The following TAFA1 variants were observed in gnomAD, a reference collection of about 807,000 sequenced individuals.
TAFA1 encodes TAFA chemokine like family member 1, also known as chemokine-like protein TAFA-1.
Under a neutral mutation model 18.5 loss-of-function variants are expected in TAFA1, and 4 were observed. The ratio of observed to expected loss-of-function variants is 0.22; its 90% confidence interval spans 0.11 to 0.49. The LOEUF is 0.49. Ranked by LOEUF, TAFA1 falls within the 20% of genes least tolerant of loss-of-function variation. The pLI is 0.98. For synonymous variants in TAFA1, 56 were observed against 55.2 expected (o/e 1.01, Z -0.06); for missense variants, 147 against 169.0 (o/e 0.87, Z 0.72).
At chr3:68,026,341 C>A (rs963399801) in intron 2 of TAFA1, among the ~76,000 whole-genome samples, 1 of 151,694 alleles carries the variant, frequency 6.6e-6, no homozygotes, top group Non-Finnish European at 1.5e-5. Context: ...TGGAGAAATT[C>A]CATCCCCACC....
intron 2 of TAFA1, among the ~76,000 whole-genome samples, chr3:68,244,295 A>T (rs1050348510): frequency 3.3e-5 from 5 of 151,952 alleles, no homozygotes; most frequent in African/African-American, 1.2e-4. Context: ...TTTTCCATTA[A>T]TTGGTTGTTG....
chr3:68,308,982 A>AGAAGC (rs2068470425), intron 2 of TAFA1, among the ~76,000 whole-genome samples: 1 of 152,126 alleles, frequency 6.6e-6, no homozygotes, highest in African/African-American at 2.4e-5. Context: ...CAGTTGCTTC[A>AGAAGC]CATCCCTAGA....
At chr3:68,139,214 T>C (rs929511291) in intron 2 of TAFA1, among the ~76,000 whole-genome samples, 3 of 152,170 alleles carry the variant, frequency 2.0e-5, no homozygotes, top group African/African-American at 7.2e-5. Context: ...AACATTGACA[T>C]ACCGAATATC....
intron 3 of TAFA1, among the ~76,000 whole-genome samples, chr3:68,464,997 C>T (rs2071859026): frequency 6.6e-6 from 1 of 152,134 alleles, no homozygotes; most frequent in Non-Finnish European, 1.5e-5. Context: ...AGTCCATTCT[C>T]TAGCCTGGAA....
chr3:68,032,941 A>G (rs986346347), intron 2 of TAFA1, among the ~76,000 whole-genome samples: 12 of 151,892 alleles, frequency 7.9e-5, no homozygotes, highest in Non-Finnish European at 1.6e-4. Flanking sequence ...TCTTCTCGTC[A>G]CCTCCCAATT....
In TAFA1 at chr3:68,364,779, A is replaced by G. The variant is rs141986161; in HGVS notation, c.119-52501A>G. ...CCAGGCAGAATTCTAAGAACTTTCC[A>G]TATGTTAACTCTTCTGTTAACTTCT... On this transcript the variant is annotated intron_variant, in intron 2 of 4. Transcript: ENST00000478136. Among the ~76,000 whole-genome samples, 588 of 152,316 alleles carry G rather than the reference A, an allele frequency of 3.9e-3. 2 individuals are homozygous for G. Among genetic ancestry groups the G allele is most frequent in the Non-Finnish European group, 6.9e-3 (469 of 68,026 alleles).
In TAFA1 at chr3:68,055,205, A is replaced by C. The variant is rs561423671; in HGVS notation, c.118+48461A>C. Reference sequence around the variant, plus strand: ...AGAAACTCTGGGAAATCTGTAAAGCACACAACTCAGAAACACCTCACCTAA... The same window carrying C: ...AGAAACTCTGGGAAATCTGTAAAGCCCACAACTCAGAAACACCTCACCTAA... On this transcript the variant is annotated intron_variant, in intron 2 of 4. Transcript: ENST00000478136. Among the ~76,000 whole-genome samples the C allele has an allele frequency of 2.0e-5, 3 of 152,294 alleles. No homozygotes were observed. In the East Asian group the frequency reaches 5.8e-4, roughly 29 times the overall value.
chr3:68,538,374 T>C (rs2073310338), intron 3 of TAFA1, among the ~76,000 whole-genome samples: 1 of 152,188 alleles, frequency 6.6e-6, no homozygotes, highest in Non-Finnish European at 1.5e-5. Context: ...AGGGTTATTA[T>C]TATCCTTGCT....
intron 2 of TAFA1, among the ~76,000 whole-genome samples, chr3:68,366,415 C>G (rs1008907275): frequency 6.6e-6 from 1 of 152,208 alleles, no homozygotes; most frequent in Non-Finnish European, 1.5e-5. Context: ...TGTAAAGCAG[C>G]AATTCATAGT....
At chr3:68,192,108 A>T (rs1405493638) in intron 2 of TAFA1, among the ~76,000 whole-genome samples, 1 of 151,804 alleles carries the variant, frequency 6.6e-6, no homozygotes, top group East Asian at 1.9e-4. Context: ...CTATAAGAGC[A>T]CTATTCGCTC....
rs555938576 is a variant in TAFA1 at position 68,033,630 on chromosome 3, A to C, written c.118+26886A>C. On this transcript the variant is annotated intron_variant, in intron 2 of 4. Transcript: ENST00000478136. ...ATATCAGTTTGTGATTTTCTGGATT[A>C]AGTCATGCTAGATATTTACTTATTA... Among the ~76,000 whole-genome samples, 333 of 152,334 alleles carry C rather than the reference A, an allele frequency of 2.2e-3. 2 individuals carry two copies. Among genetic ancestry groups the C allele is most frequent in the South Asian group, 5.4e-3 (26 of 4,832 alleles).
intron 2 of TAFA1, among the ~76,000 whole-genome samples, chr3:68,067,510 G>A (rs1575599241): frequency 6.6e-6 from 1 of 152,180 alleles, no homozygotes; most frequent in African/African-American, 2.4e-5. Flanking sequence ...TACATGGCTT[G>A]AGAGGTAATA....
At chr3:68,468,441 T>A (rs1347464727) in intron 3 of TAFA1, among the ~76,000 whole-genome samples, 1 of 152,226 alleles carries the variant, frequency 6.6e-6, no homozygotes, top group African/African-American at 2.4e-5. Flanking sequence ...AAGTTCTTTG[T>A]ATTTGTGAGA....
intron 2 of TAFA1, among the ~76,000 whole-genome samples, chr3:68,132,501 A>G (rs2065553158): frequency 6.6e-6 from 1 of 152,186 alleles, no homozygotes; most frequent in Non-Finnish European, 1.5e-5. Flanking sequence ...CCAACAGAGT[A>G]AAGTGTTCCT....
At chr3:68,479,240 A>AC (rs1559686408) in intron 3 of TAFA1, among the ~76,000 whole-genome samples, 2 of 131,940 alleles carry the variant, frequency 1.5e-5, no homozygotes, top group Non-Finnish European at 3.1e-5. Context: ...AAAAAAAAAA[A>AC]AATATATATA....
At chr3:68,366,199 C>A (rs920831054) in intron 2 of TAFA1, among the ~76,000 whole-genome samples, 1 of 152,050 alleles carries the variant, frequency 6.6e-6, no homozygotes, top group African/African-American at 2.4e-5. Context: ...GGGGTCCCTC[C>A]CACAACACAT....
intron 2 of TAFA1, among the ~76,000 whole-genome samples, chr3:68,066,467 G>C (rs1440231237): frequency 6.6e-6 from 1 of 152,154 alleles, no homozygotes; most frequent in Admixed American, 6.6e-5. Context: ...TTAAATGTGT[G>C]TCTGTCTAAA....
At chr3:68,079,278 G>A (rs575530423) in intron 2 of TAFA1, among the ~76,000 whole-genome samples, 4,560 of 152,022 alleles carry the variant, frequency 0.03, 239 homozygotes, top group African/African-American at 0.1. Context: ...TGGATTCATT[G>A]ATTTTTTGAA....
intron 2 of TAFA1, among the ~76,000 whole-genome samples, chr3:68,261,778 A>C (rs938310644): frequency 3.3e-5 from 5 of 152,158 alleles, no homozygotes; most frequent in Admixed American, 1.3e-4. Context: ...GGGTGGAGGG[A>C]GTGGGGAGGG....
Sources: gnomAD v4.1 joint callset for allele counts (sites outside exome capture counted in the v4.1 genomes callset) on GRCh38, gnomAD v4.1.1 for gene constraint, MANE v1.5 for transcripts, NCBI Gene and HGNC (gene_info 2026-07-23, HGNC 2026-07-21) for gene names.